The following AKAP19 variants were observed in gnomAD, a reference collection of about 807,000 sequenced individuals.
AKAP19 encodes small A-kinase anchoring protein.
At chr2:190,189,923 A>G in the AKAP19 span, 1 of 152,256 alleles carries the variant, frequency 6.6e-6, no homozygotes, top group Non-Finnish European at 1.5e-5. Flanking sequence ...CAATGTAGAA[A>G]GGAAGCAGCA....
the AKAP19 span, among the ~76,000 whole-genome samples, chr2:190,114,199 G>A: frequency 1.3e-5 from 2 of 152,084 alleles, no homozygotes; most frequent in Non-Finnish European, 2.9e-5. Flanking sequence ...GTGTCATTTA[G>A]CATTTTAATT....
the AKAP19 span, among the ~76,000 whole-genome samples, chr2:190,008,203 C>T: frequency 5.1e-3 from 780 of 152,240 alleles, 4 homozygotes; most frequent in African/African-American, 0.018. Flanking sequence ...AAGATTTTCA[C>T]CTAATTTCTT....
the AKAP19 span, among the ~76,000 whole-genome samples, chr2:189,949,909 C>T: frequency 3.3e-5 from 5 of 151,552 alleles, no homozygotes; most frequent in Admixed American, 1.3e-4. Context: ...GGATTACAGA[C>T]GTGAGCCACC....
the AKAP19 span, among the ~76,000 whole-genome samples, chr2:190,102,313 CAGA>C: frequency 0.017 from 2,568 of 151,618 alleles, 66 homozygotes; most frequent in African/African-American, 0.059. Context: ...CCAAGGCTAG[CAGA>C]AGAAGAGGAA....
chr2:190,060,025 TA>T, the AKAP19 span: 1 of 1,591,954 alleles, frequency 6.3e-7, no homozygotes, highest in East Asian at 2.2e-5. Context: ...AATAAAAACA[TA>T]AGGTTATTAT....
At chr2:190,076,399 A>G in the AKAP19 span, among the ~76,000 whole-genome samples, 1 of 152,224 alleles carries the variant, frequency 6.6e-6, no homozygotes, top group Non-Finnish European at 1.5e-5. Context: ...AACCACTGTT[A>G]AAGATTGAAG....
the AKAP19 span, among the ~76,000 whole-genome samples, chr2:190,000,575 T>C: frequency 3.9e-5 from 6 of 152,236 alleles, no homozygotes; most frequent in Admixed American, 2.0e-4. Flanking sequence ...TAATGTTTCT[T>C]GGAACTATTA....
the AKAP19 span, among the ~76,000 whole-genome samples, chr2:190,011,050 C>CTTTTTTTT: frequency 3.4e-5 from 2 of 59,574 alleles, no homozygotes; most frequent in Admixed American, 2.4e-4. Flanking sequence ...CTCTCTCTCT[C>CTTTTTTTT]TTTTTTTTTT....
the AKAP19 span, among the ~76,000 whole-genome samples, chr2:190,181,978 T>A: frequency 6.6e-6 from 1 of 152,258 alleles, no homozygotes; most frequent in African/African-American, 2.4e-5. Context: ...AAGAATAATT[T>A]CAGTTTTTAA....
At chr2:190,148,954 T>TTC in the AKAP19 span, among the ~76,000 whole-genome samples, 1 of 1,028 alleles carries the variant, frequency 9.7e-4, no homozygotes, top group African/African-American at 1.3e-3. Context: ...CTTTTCTTTC[T>TTC]TTTTTTTTTT....
the AKAP19 span, among the ~76,000 whole-genome samples, chr2:190,166,103 A>G: frequency 6.6e-6 from 1 of 152,130 alleles, no homozygotes; most frequent in South Asian, 2.1e-4. Context: ...TAGAAGAAGC[A>G]CTGGTGAACA....
chr2:190,097,614 G>A, the AKAP19 span, among the ~76,000 whole-genome samples: 6 of 152,056 alleles, frequency 3.9e-5, no homozygotes, highest in African/African-American at 7.2e-5. Flanking sequence ...CTGCAACTTT[G>A]TCAATTAAGT....
At chr2:190,120,363 G>A in the AKAP19 span, among the ~76,000 whole-genome samples, 612 of 135,736 alleles carry the variant, frequency 4.5e-3, 6 homozygotes, top group African/African-American at 0.015. Flanking sequence ...CAAAAAAGCT[G>A]GGGGGGGCCT....
the AKAP19 span, chr2:189,923,425 A>G: frequency 5.6e-6 from 9 of 1,613,750 alleles, no homozygotes; most frequent in Non-Finnish European, 7.6e-6. Flanking sequence ...TGGTCAAGAA[A>G]TCTGATGTGG....
At chr2:190,118,170 A>G in the AKAP19 span, among the ~76,000 whole-genome samples, 1 of 152,218 alleles carries the variant, frequency 6.6e-6, no homozygotes, top group African/African-American at 2.4e-5. Flanking sequence ...AAACCAGGAA[A>G]AAGTTGAATC....
the AKAP19 span, among the ~76,000 whole-genome samples, chr2:190,050,988 T>C: frequency 9.8e-5 from 15 of 152,312 alleles, no homozygotes; most frequent in East Asian, 2.5e-3. Context: ...TGATGTTGCA[T>C]CTACAAAGTA....
the AKAP19 span, among the ~76,000 whole-genome samples, chr2:189,896,864 A>C: frequency 1.3e-5 from 2 of 152,092 alleles, no homozygotes; most frequent in Non-Finnish European, 1.5e-5. Flanking sequence ...AGCACATGAT[A>C]TGTCAGTGAA....
the AKAP19 span, among the ~76,000 whole-genome samples, chr2:190,197,963 T>G: frequency 6.6e-6 from 1 of 152,142 alleles, no homozygotes; most frequent in Non-Finnish European, 1.5e-5. This position sits in a 1 kb window ranked among gnomAD's most constrained non-coding sequence, Gnocchi z 4.0. Context: ...TAACCATCCC[T>G]CACAGTAAAA....
chr2:189,990,176 A>T, the AKAP19 span, among the ~76,000 whole-genome samples: 1 of 152,200 alleles, frequency 6.6e-6, no homozygotes, highest in African/African-American at 2.4e-5. Flanking sequence ...GTTGATAGAA[A>T]TACTAAAAGC....
Sources: allele counts gnomAD v4.1 joint callset (sites outside exome capture counted in the v4.1 genomes callset), GRCh38; gene constraint gnomAD v4.1.1; non-coding constraint Gnocchi (gnomAD v3.1); transcripts MANE v1.5; gene names NCBI Gene and HGNC (gene_info 2026-07-23, HGNC 2026-07-21).